EIF3D: variants seen among roughly 807,000 people sequenced by gnomAD.
EIF3D encodes eukaryotic translation initiation factor 3 subunit D.
EIF3D carries 10 observed loss-of-function variants against 75.4 expected under a neutral mutation model. The observed-to-expected ratio is 0.13, with a 90% CI of 0.08 to 0.22. The LOEUF is 0.22. Among genes scored for constraint, EIF3D ranks in the 10% least tolerant of loss-of-function variants. The pLI is 1.00. For synonymous variants in EIF3D, 246 were observed against 248.3 expected, an observed-to-expected ratio of 0.99 and a Z score of 0.09; for missense variants, 394 against 708.0, an observed-to-expected ratio of 0.56 and a Z score of 5.03.
chr22:36,517,024 C>A (rs1308807524), intron 10 of EIF3D: 2 of 611,332 alleles, frequency 3.3e-6, no homozygotes, highest in African/African-American at 1.9e-5. Context: ...CATTTTTTTG[C>A]CATGGCATAT....
At position 36,523,286 on chromosome 22, in the gene EIF3D, A is replaced by G; in HGVS notation, c.393-5T>C. 6.2e-7 allele frequency: 1 copy of G among 1,611,978 alleles called. No homozygotes were observed. The highest frequency in any genetic ancestry group is 8.5e-7 in the Non-Finnish European group (1 of 1,178,602). ...TTCTGCAGTCGAATGCGTTCTCTGGAAAGACAGACATATGATCTCAGTGCA... is the reference window on the plus strand; with the variant it reads ...TTCTGCAGTCGAATGCGTTCTCTGGGAAGACAGACATATGATCTCAGTGCA... On this transcript the variant is annotated splice_region_variant and splice_polypyrimidine_tract_variant and intron_variant, in intron 5 of 14. Coordinates refer to ENST00000216190, the MANE Select transcript of EIF3D (RefSeq NM_003753.4).
chr22:36,528,516 G>A (rs1027744704), intron 1 of EIF3D, among the ~76,000 whole-genome samples: 2 of 150,654 alleles, frequency 1.3e-5, no homozygotes, highest in African/African-American at 5.0e-5. Flanking sequence ...GGCAGGATAG[G>A]GAGGTTCCAA....
At chr22:36,527,637 G>A (rs769893661) in intron 1 of EIF3D, among the ~76,000 whole-genome samples, 2 of 152,152 alleles carry the variant, frequency 1.3e-5, no homozygotes. Context: ...TCAGCAGTTC[G>A]AGACCAGCCT....
chr22:36,528,920 G>C (rs971298733), intron 1 of EIF3D, 156 bp downstream of exon 1: 4 of 194,184 alleles, frequency 2.1e-5, no homozygotes, highest in Non-Finnish European at 3.1e-5. Flanking sequence ...TGCGGGACGC[G>C]GGGCCCCCGA....
At chr22:36,528,962 C>T (rs967261329) in intron 1 of EIF3D, 114 bp downstream of exon 1, 1 of 254,016 alleles carries the variant, frequency 3.9e-6, no homozygotes, top group Non-Finnish European at 7.4e-6. Flanking sequence ...AGCGGAGGGA[C>T]GGCAACAGCA....
chr22:36,513,839 T>C (rs1934379473), intron 12 of EIF3D, among the ~76,000 whole-genome samples: 2 of 152,324 alleles, frequency 1.3e-5, no homozygotes, highest in African/African-American at 4.8e-5. Flanking sequence ...TATAGGTGCA[T>C]ACTACTGCAT....
At chr22:36,517,559 G>A (rs950085586) in intron 9 of EIF3D, 128 bp from the exon 10 acceptor site, 10 of 1,156,664 alleles carry the variant, frequency 8.6e-6, no homozygotes, top group Non-Finnish European at 1.2e-5. Flanking sequence ...CTCTCCTAAA[G>A]TGGGTCTCCC....
chr22:36,524,798 A>G, intron 3 of EIF3D, 66 bp from the exon 4 acceptor site: 1 of 1,604,242 alleles, frequency 6.2e-7, no homozygotes. Flanking sequence ...GCACCAGTCT[A>G]AAGCCTTGCT....
Position 36,510,984 on chromosome 22 carries a change from G to A in EIF3D, c.*3C>T, listed in dbSNP as rs41283215. On this transcript the variant is annotated 3_prime_UTR_variant, in exon 15 of 15. Coordinates refer to ENST00000216190, the MANE Select transcript of EIF3D (RefSeq NM_003753.4). ...GGACAAACTCCAGCTCCACATCACT[G>A]GTTTAAGTTTCTTCCTCTGAAAGAC... The A allele has an allele frequency of 1.1e-3, 1,842 of 1,607,968 alleles. 3 individuals carry two copies. The highest frequency in any genetic ancestry group is 1.5e-3 in the Non-Finnish European group (1,776 of 1,178,068).
intron 12 of EIF3D, 22 bp from the exon 13 acceptor site, chr22:36,512,624 G>A (rs1475150139): frequency 1.2e-6 from 2 of 1,601,302 alleles, no homozygotes; most frequent in Non-Finnish European, 1.7e-6. Context: ...CCCCGTTAGA[G>A]AAACAGAAGC....
intron 4 of EIF3D, 38 bp from the exon 5 acceptor site, chr22:36,524,018 G>A (rs1289650484): frequency 1.2e-6 from 2 of 1,608,334 alleles, no homozygotes; most frequent in Admixed American, 3.3e-5. Flanking sequence ...TAAAATCTTG[G>A]AGATTTGGCT....
chr22:36,527,275 C>T (rs149098490), intron 1 of EIF3D, among the ~76,000 whole-genome samples: 28 of 152,262 alleles, frequency 1.8e-4, no homozygotes, highest in South Asian at 4.1e-4. Context: ...CAATGTTATC[C>T]GCACTCTCCA....
At chr22:36,521,092 C>T (rs982479805) in intron 6 of EIF3D, among the ~76,000 whole-genome samples, 12 of 151,872 alleles carry the variant, frequency 7.9e-5, no homozygotes, top group Admixed American at 3.3e-4. Flanking sequence ...CCCAGCTACT[C>T]GGGAGGCTGA....
chr22:36,512,712 T>G, intron 12 of EIF3D, 110 bp from the exon 13 acceptor site: 1 of 1,288,476 alleles, frequency 7.8e-7, no homozygotes, highest in Non-Finnish European at 1.1e-6. Context: ...AGAAAGTGGG[T>G]AGGTACGCAC....
rs138662362 is a variant in EIF3D, at chr22:36,524,142, AG to A, written c.307-163del. Among the ~76,000 whole-genome samples the A allele has an allele frequency of 5.5e-3, 836 of 152,236 alleles. 5 individuals carry two copies. The highest frequency in any genetic ancestry group is 0.019 in the African/African-American group (788 of 41,544). The stretch of plus-strand genomic sequence containing the variant: ...ACGGCATCAACAGCTTGGGGGTGTT[AG>A]GGGGTAAGTGCTTGGACTTTGCTTA... On this transcript the variant is annotated intron_variant, in intron 4 of 14. Coordinates refer to ENST00000216190, the MANE Select transcript of EIF3D (RefSeq NM_003753.4).
At position 36,519,493 on chromosome 22, in the gene EIF3D, C is replaced by T. The variant is rs866397076; in HGVS notation, c.623G>A (p.Arg208His). The T allele has an allele frequency of 2.5e-6, 4 of 1,614,130 alleles. No homozygotes were observed. Among genetic ancestry groups the T allele is most frequent in the Non-Finnish European group, 3.4e-6 (4 of 1,180,018 alleles). Reference protein sequence around the residue: ...ALEYYDKAFDRITTRSEKPLR... With the variant: ...ALEYYDKAFDHITTRSEKPLR... ...TGGCTTCTCACTCCTCGTGGTGATGCGGTCAAAGGCTTTGTCGTAGTATTC... is the reference window on the plus strand; with the variant it reads ...TGGCTTCTCACTCCTCGTGGTGATGTGGTCAAAGGCTTTGTCGTAGTATTC... Residue 208 changes from arginine (R) to histidine (H), a missense_variant, in exon 8 of 15, where the codon CGC (arginine) becomes CAC (histidine). By Grantham distance (29) the Arg-to-His change is conservative. Coordinates refer to ENST00000216190, the MANE Select transcript of EIF3D (RefSeq NM_003753.4).
chr22:36,525,655 A>G lies in EIF3D; in HGVS notation c.169+9T>C. On this transcript the variant is annotated intron_variant, in intron 3 of 14. Transcript: ENST00000216190. ...CCTGATTGGGGCATTCAGTTGCAGA[A>G]ACACTTACTTGTGTACCTCTTATCT... 1 of 1,612,632 alleles carries G rather than the reference A, an allele frequency of 6.2e-7. No individual in the cohort carries two copies. The highest frequency in any genetic ancestry group is 8.5e-7 in the Non-Finnish European group (1 of 1,179,630).
rs368544456 is a variant in EIF3D, at chr22:36,525,999, C to G, written c.123G>C (p.Lys41Asn). The change falls in exon 2 of 15, where the codon AAG (lysine) becomes AAC (asparagine). Residue 41 changes from lysine to asparagine, a missense_variant and splice_region_variant. Coordinates refer to ENST00000216190, the MANE Select transcript of EIF3D (RefSeq NM_003753.4). ...CAGACTCCTGCTGACAGGCATGTAC[C>G]TTTCCTAGCCGATCTCCTTTGCTGA... ...QPFSKGDRLG[K>N]VADWTGATYQ... 1 of 1,609,434 alleles carries G rather than the reference C, an allele frequency of 6.2e-7. No individual in the cohort carries two copies. The highest frequency in any genetic ancestry group is 8.5e-7 in the Non-Finnish European group (1 of 1,177,672).
At chr22:36,514,183 G>A (rs565912468) in intron 12 of EIF3D, among the ~76,000 whole-genome samples, 1 of 152,326 alleles carries the variant, frequency 6.6e-6, no homozygotes, top group Non-Finnish European at 1.5e-5. Context: ...CAGAGGCAAT[G>A]ACGGGACTGG....
Sources: allele counts gnomAD v4.1 joint callset (sites outside exome capture counted in the v4.1 genomes callset), GRCh38; gene constraint gnomAD v4.1.1; transcripts MANE v1.5; gene names NCBI Gene and HGNC (gene_info 2026-07-23, HGNC 2026-07-21).